Variants in CATSPERE observed in about 807,000 individuals in gnomAD.
The protein encoded by CATSPERE is catsper channel auxiliary subunit epsilon.
Under a neutral mutation model 114.1 loss-of-function variants are expected in CATSPERE, and 93 were observed. The ratio of observed to expected loss-of-function variants is 0.81; its 90% CI spans 0.69 to 0.97. CATSPERE has a LOEUF of 0.97. Ranked by LOEUF, CATSPERE falls within the 50% of genes least tolerant of loss-of-function variation. The pLI, the probability that CATSPERE is intolerant of heterozygous loss-of-function variation, is 0.00. For missense variants in CATSPERE, 1,058 were observed against 1,131.6 expected, an observed-to-expected ratio of 0.93 and a Z score of 0.93; for synonymous variants, 341 against 384.1, an observed-to-expected ratio of 0.89 and a Z score of 1.31.
chr1:244,575,047 C>T lies in CATSPERE; in HGVS notation c.1950+2275C>T, dbSNP rs570198270. On this transcript the variant is annotated intron_variant, in intron 11 of 21. Transcript: ENST00000366534. The surrounding 1 kb of genome is among the most constrained non-coding windows in gnomAD (Gnocchi z 4.5). ...TCCCTCTATCTCTCTCTCTCATTTG[C>T]GCTGTCTCCCTCCTGAGTTCTCCCA... is the stretch of plus-strand genomic sequence containing the variant. Among the ~76,000 whole-genome samples, 200 of 152,290 alleles carry T rather than the reference C, an allele frequency of 1.3e-3. 1 individual carries two copies. Among genetic ancestry groups the T allele is most frequent in the African/African-American group, 4.4e-3 (183 of 41,572 alleles).
At chr1:244,538,361 C>T (rs1034416635) in intron 8 of CATSPERE, among the ~76,000 whole-genome samples, 1 of 152,022 alleles carries the variant, frequency 6.6e-6, no homozygotes, top group Admixed American at 6.6e-5. Flanking sequence ...GAGGCAAGAA[C>T]AAAAGACAGA....
chr1:244,507,122 A>G (rs982566117), intron 7 of CATSPERE, among the ~76,000 whole-genome samples: 9 of 152,076 alleles, frequency 5.9e-5, no homozygotes, highest in Admixed American at 1.3e-4. Context: ...ATTACATCAT[A>G]TATATAGACT....
intron 5 of CATSPERE, among the ~76,000 whole-genome samples, chr1:244,486,482 G>A (rs1671049245): frequency 6.7e-6 from 1 of 149,382 alleles, no homozygotes. Flanking sequence ...GGGTGGTCCA[G>A]CATGTGGGGT....
At chr1:244,514,760 T>C (rs531801777) in intron 7 of CATSPERE, among the ~76,000 whole-genome samples, 3 of 133,874 alleles carry the variant, frequency 2.2e-5, no homozygotes, top group African/African-American at 8.7e-5. Flanking sequence ...ACCCGGGAGG[T>C]GGAGCTTGCA....
At chr1:244,547,231 C>T (rs1264504952) in intron 8 of CATSPERE, among the ~76,000 whole-genome samples, 2 of 130,564 alleles carry the variant, frequency 1.5e-5, no homozygotes, top group South Asian at 2.9e-4. Flanking sequence ...ATACTGTGCT[C>T]GGCAGGCCAT....
At chr1:244,453,411 A>G (rs374063003), upstream of CATSPERE, among the ~76,000 whole-genome samples, 16 of 152,334 alleles carry the variant, frequency 1.1e-4, no homozygotes, top group African/African-American at 3.1e-4. Flanking sequence ...CCAGCTCTAC[A>G]TGAATTACTC....
chr1:244,584,009 A>G (rs1042150587), intron 13 of CATSPERE, 70 bp downstream of exon 13: 2 of 1,209,810 alleles, frequency 1.7e-6, no homozygotes, highest in Admixed American at 1.8e-5. Context: ...CAAATAATGC[A>G]TACAATACCT....
rs575842322 is a variant in CATSPERE at position 244,559,314 on chromosome 1, G to A, written c.1030-1354G>A. Among the ~76,000 whole-genome samples the A allele has an allele frequency of 5.9e-5, 9 of 152,292 alleles. No homozygotes were observed. In the South Asian group the frequency reaches 1.9e-3, roughly 32 times the overall value. The stretch of plus-strand genomic sequence containing the variant: ...AACGTGAATCCACATTTAGCAAAAT[G>A]ACCTTTTATCCCAAATTGTGTCTTT... On this transcript the variant is annotated intron_variant, in intron 9 of 21. Coordinates refer to ENST00000366534, the MANE Select transcript of CATSPERE (RefSeq NM_001130957.2).
chr1:244,518,860 A>C (rs1327738350), intron 8 of CATSPERE, among the ~76,000 whole-genome samples, 162 bp downstream of exon 8: 2 of 152,212 alleles, frequency 1.3e-5, no homozygotes, highest in Admixed American at 1.3e-4. Context: ...ACTAACTTAG[A>C]AAATGCTAGA....
chr1:244,545,269 GCCC>G (rs1236187562), intron 8 of CATSPERE, among the ~76,000 whole-genome samples: 1 of 152,122 alleles, frequency 6.6e-6, no homozygotes, highest in Non-Finnish European at 1.5e-5. Flanking sequence ...TTTGCATCTG[GCCC>G]CTCCTATAAC....
In CATSPERE at chr1:244,518,655, C is replaced by G. The variant is rs947678067; in HGVS notation, c.493C>G (p.Leu165Val). ...ACAGAAGCCTGTCATACATACAGTT[C>G]TGAAGAGAAAAGTTTATTCTTCAAA... ...LGQKPVIHTV[L>V]KRKVYSSNEK... The change falls in exon 8 of 22, where the codon CTG becomes GTG. Residue 165 changes from leucine to valine, a missense_variant. Transcript: ENST00000366534. The G allele has an allele frequency of 2.5e-6, 4 of 1,589,102 alleles. No individual in the cohort carries two copies. The highest frequency in any genetic ancestry group is 3.4e-6 in the Non-Finnish European group (4 of 1,166,602).
At chr1:244,514,722 A>G (rs1034354402) in intron 7 of CATSPERE, among the ~76,000 whole-genome samples, 1 of 150,196 alleles carries the variant, frequency 6.7e-6, no homozygotes, top group Non-Finnish European at 1.5e-5. Context: ...CCAGCTACTC[A>G]GGGGGCTGAG....
intron 8 of CATSPERE, among the ~76,000 whole-genome samples, chr1:244,529,418 G>A (rs1003079834): frequency 2.0e-5 from 3 of 152,176 alleles, no homozygotes; most frequent in Non-Finnish European, 2.9e-5. Flanking sequence ...AATGATCAGT[G>A]ATGTTGAGCA....
rs779396599 is a variant in CATSPERE at position 244,560,728 on chromosome 1, A to C, written c.1090A>C (p.Ile364Leu). Residue 364 changes from isoleucine to leucine, a missense_variant, in exon 10 of 22, where the codon ATT (isoleucine) becomes CTT (leucine). Transcript: ENST00000366534. ...AGAAAATGAAATTTACCTCGGATCC[A>C]TTCTTCTTAAGTTTGCCAGATTAGT... is the stretch of plus-strand genomic sequence containing the variant. ...WTENEIYLGS[I>L]LLKFARLVTT... 6.2e-7 allele frequency: 1 copy of C among 1,614,000 alleles called. No homozygotes were observed. Among genetic ancestry groups the C allele is most frequent in the South Asian group, 1.1e-5 (1 of 91,042 alleles).
chr1:244,613,528 C>G (rs1452240880), intron 19 of CATSPERE, among the ~76,000 whole-genome samples: 2 of 152,028 alleles, frequency 1.3e-5, no homozygotes, highest in East Asian at 3.9e-4. Context: ...GATAATTCAC[C>G]TACATAAAAT....
rs1297836361 is a variant in CATSPERE, at chr1:244,584,031, C to T, written c.2085+92C>T. The T allele has an allele frequency of 8.6e-6, 8 of 930,908 alleles. No individual in the cohort carries two copies. In the African/African-American group the frequency reaches 9.8e-5, roughly 11 times the overall value. The allele number at this position is 930,908 out of a possible 1,614,324, so 57.7% of individuals were successfully genotyped here. A position where few individuals can be genotyped will look rare whatever the true frequency, so the allele number is the denominator to read the frequency against. ...TGCATACAATACCTCCGTACAATAC[C>T]TCCATGCAATACCTCCATACAATAC... is the stretch of plus-strand genomic sequence containing the variant. On this transcript the variant is annotated intron_variant, in intron 13 of 21. Coordinates refer to ENST00000366534, the MANE Select transcript of CATSPERE (RefSeq NM_001130957.2).
At chr1:244,555,382 C>CA (rs760097677) in intron 9 of CATSPERE, among the ~76,000 whole-genome samples, 2,017 of 84,250 alleles carry the variant, frequency 0.024, 17 homozygotes, top group Non-Finnish European at 0.034. Context: ...GACTCCATCC[C>CA]AAAAAAAAAA....
chr1:244,591,620 A>G, intron 14 of CATSPERE, 61 bp from the exon 15 acceptor site: 1 of 996,132 alleles, frequency 1.0e-6, no homozygotes. Context: ...TAAATGATTA[A>G]ATGTTTTTGC....
chr1:244,452,108 T>G, upstream of CATSPERE: 2 of 262,726 alleles, frequency 7.6e-6, no homozygotes, highest in East Asian at 6.6e-5. Flanking sequence ...GCCACGCCCC[T>G]TCCGCGGCCT....
Sources: gnomAD v4.1 joint callset for allele counts (sites outside exome capture counted in the v4.1 genomes callset) on GRCh38, gnomAD v4.1.1 for gene constraint, Gnocchi (gnomAD v3.1) non-coding constraint, MANE v1.5 for transcripts, NCBI Gene and HGNC (gene_info 2026-07-23, HGNC 2026-07-21) for gene names.